The following NRCAM variants were observed in gnomAD, a reference collection of about 807,000 sequenced individuals.
The protein encoded by NRCAM is neuronal cell adhesion molecule, also known as NgCAM-related cell adhesion molecule.
A neutral mutation model predicts 156.5 loss-of-function variants in NRCAM; 83 were observed. The ratio of observed to expected loss-of-function variants is 0.53; its 90% CI spans 0.44 to 0.64. The LOEUF (loss-of-function observed/expected upper bound fraction) is 0.64. Among genes scored for constraint, NRCAM ranks in the 30% least tolerant of loss-of-function variants. NRCAM has a pLI of 0.00. For missense variants in NRCAM, 1,417 were observed against 1,597.3 expected (o/e 0.89, Z 1.92); for synonymous variants, 538 against 563.9 (o/e 0.95, Z 0.65).
chr7:108,316,591 C>T (rs1241955248), intron 2 of NRCAM, among the ~76,000 whole-genome samples: 7 of 151,678 alleles, frequency 4.6e-5, no homozygotes, highest in South Asian at 4.2e-4. Flanking sequence ...CTGTCTAACA[C>T]GGTGAAACCC....
intron 11 of NRCAM, 58 bp from the exon 12 acceptor site, chr7:108,209,663 T>G: frequency 8.0e-7 from 1 of 1,255,790 alleles, no homozygotes; most frequent in South Asian, 1.4e-5. Context: ...TGACTACTTT[T>G]GAGGATGAAT....
At chr7:108,323,994 T>A (rs1378844953) in intron 2 of NRCAM, among the ~76,000 whole-genome samples, 3 of 151,920 alleles carry the variant, frequency 2.0e-5, no homozygotes, top group Admixed American at 2.0e-4. Context: ...GGCGGCCAGG[T>A]GGCTGAGAGG....
At chr7:108,286,478 C>T (rs1467895897) in intron 3 of NRCAM, among the ~76,000 whole-genome samples, 8 of 145,116 alleles carry the variant, frequency 5.5e-5, no homozygotes, top group African/African-American at 1.5e-4. Context: ...AAGAAGAAAG[C>T]GGAAAAAAAA....
intron 28 of NRCAM, among the ~76,000 whole-genome samples, chr7:108,171,925 T>TAA (rs1457576622): frequency 6.6e-6 from 1 of 152,176 alleles, no homozygotes; most frequent in Non-Finnish European, 1.5e-5. Flanking sequence ...GGTTCTTTAG[T>TAA]AAAATAATGT....
At chr7:108,259,623 G>A (rs954090133) in intron 3 of NRCAM, among the ~76,000 whole-genome samples, 29 of 152,322 alleles carry the variant, frequency 1.9e-4, no homozygotes, top group African/African-American at 6.7e-4. Context: ...ATCGGATAAA[G>A]AAAATGTGGT....
intron 4 of NRCAM, among the ~76,000 whole-genome samples, chr7:108,238,185 T>C (rs898197779): frequency 6.6e-6 from 1 of 152,216 alleles, no homozygotes; most frequent in Admixed American, 6.5e-5. Context: ...TCACTGTGCA[T>C]ATGGTAATAA....
At chr7:108,194,629 G>A (rs923613646) in intron 15 of NRCAM, among the ~76,000 whole-genome samples, 5 of 152,178 alleles carry the variant, frequency 3.3e-5, no homozygotes, top group Admixed American at 6.5e-5. Context: ...GAAGTGAAAC[G>A]GATGAAACAA....
intron 2 of NRCAM, among the ~76,000 whole-genome samples, chr7:108,333,460 T>C (rs1266054281): frequency 1.3e-5 from 2 of 152,182 alleles, no homozygotes; most frequent in African/African-American, 2.4e-5. Flanking sequence ...AATTCTATTT[T>C]AACAAAACTC....
chr7:108,401,254 T>C (rs2099791735), intron 1 of NRCAM, among the ~76,000 whole-genome samples: 1 of 145,714 alleles, frequency 6.9e-6, no homozygotes, highest in African/African-American at 2.6e-5. Context: ...AAAGGAACAA[T>C]AGCAGGCAGG....
At chr7:108,351,911 A>G (rs972067195) in intron 2 of NRCAM, among the ~76,000 whole-genome samples, 2 of 152,208 alleles carry the variant, frequency 1.3e-5, no homozygotes, top group Non-Finnish European at 2.9e-5. Context: ...AGTCATCCAT[A>G]GCAAGGCTAC....
At chr7:108,244,643 G>A (rs554261001) in intron 3 of NRCAM, among the ~76,000 whole-genome samples, 10 of 152,066 alleles carry the variant, frequency 6.6e-5, no homozygotes, top group African/African-American at 9.7e-5. Flanking sequence ...AAAGTAGTCC[G>A]GGATAATAGG....
intron 12 of NRCAM, among the ~76,000 whole-genome samples, chr7:108,208,972 A>C (rs1398182660): frequency 6.6e-6 from 1 of 152,194 alleles, no homozygotes; most frequent in Non-Finnish European, 1.5e-5. Flanking sequence ...AAGAAGAGGG[A>C]AAGTAAGCTC....
intron 2 of NRCAM, among the ~76,000 whole-genome samples, chr7:108,313,492 G>A (rs2098832891): frequency 6.6e-6 from 1 of 152,186 alleles, no homozygotes; most frequent in South Asian, 2.1e-4. Flanking sequence ...ACCCTTCAGA[G>A]AAGAGAAACA....
At chr7:108,221,022 TC>T (rs1343347163) in intron 11 of NRCAM, among the ~76,000 whole-genome samples, 1 of 151,832 alleles carries the variant, frequency 6.6e-6, no homozygotes, top group African/African-American at 2.4e-5. Context: ...GACAATCCCA[TC>T]AAAAACTGGG....
intron 3 of NRCAM, among the ~76,000 whole-genome samples, chr7:108,276,926 C>T (rs983302102): frequency 6.6e-6 from 1 of 152,130 alleles, no homozygotes; most frequent in Non-Finnish European, 1.5e-5. Context: ...GTAAGGCAGG[C>T]CTGGTGGTGA....
At chr7:108,257,078 GGAAGGAAGGAAA>G (rs1449245089) in intron 3 of NRCAM, among the ~76,000 whole-genome samples, 4 of 147,042 alleles carry the variant, frequency 2.7e-5, no homozygotes, top group South Asian at 4.4e-4. Context: ...GAAGAAAGAA[GGAAGGAAGGAAA>G]GAAGGAAGGA....
intron 2 of NRCAM, among the ~76,000 whole-genome samples, chr7:108,329,664 T>C (rs1289773060): frequency 6.6e-6 from 1 of 152,206 alleles, no homozygotes; most frequent in Non-Finnish European, 1.5e-5. Flanking sequence ...CTTAAAGACC[T>C]GCTTAGAATA....
chr7:108,294,301 G>C (rs1475498303), intron 3 of NRCAM, among the ~76,000 whole-genome samples: 1 of 139,758 alleles, frequency 7.2e-6, no homozygotes, highest in East Asian at 2.4e-4. Context: ...TCAGGAACAA[G>C]CTCATGGGCT....
intron 2 of NRCAM, among the ~76,000 whole-genome samples, chr7:108,314,700 T>A (rs1213085031): frequency 6.6e-6 from 1 of 152,188 alleles, no homozygotes; most frequent in Non-Finnish European, 1.5e-5. Context: ...CAGAGTAAAT[T>A]GCTATGGATT....
Sources: gnomAD v4.1 joint callset for allele counts (sites outside exome capture counted in the v4.1 genomes callset) on GRCh38, gnomAD v4.1.1 for gene constraint, MANE v1.5 for transcripts, NCBI Gene and HGNC (gene_info 2026-07-23, HGNC 2026-07-21) for gene names.